The following M1AP variants were observed in gnomAD, a reference collection of about 807,000 sequenced individuals.
M1AP encodes meiosis 1 arrest protein.
A neutral mutation model predicts 51.2 loss-of-function variants in M1AP; 39 were observed. The ratio of observed to expected loss-of-function variants is 0.76; its 90% CI spans 0.59 to 1.00. The LOEUF (loss-of-function observed/expected upper bound fraction) is 1.00. M1AP is among the 50% of genes least tolerant of loss of function. M1AP has a pLI of 0.00. For synonymous variants in M1AP, 251 were observed against 249.2 expected (o/e 1.01, Z -0.07); for missense variants, 545 against 641.2 (o/e 0.85, Z 1.62).
intron 7 of M1AP, among the ~76,000 whole-genome samples, chr2:74,566,380 C>G (rs981506506): frequency 6.6e-6 from 1 of 151,920 alleles, no homozygotes; most frequent in Admixed American, 6.6e-5. Context: ...AGGCTTCATA[C>G]CGAAATTATT....
chr2:74,629,840 A>G (rs1359792150), intron 2 of M1AP, among the ~76,000 whole-genome samples: 1 of 152,176 alleles, frequency 6.6e-6, no homozygotes, highest in Non-Finnish European at 1.5e-5. Context: ...CTTGGGTCCC[A>G]TCCCTAAGTC....
intron 2 of M1AP, among the ~76,000 whole-genome samples, chr2:74,638,328 T>C (rs1014305927): frequency 3.3e-5 from 5 of 152,214 alleles, no homozygotes; most frequent in Non-Finnish European, 7.3e-5. Flanking sequence ...TCTCACCTCA[T>C]TGACTTCCTA....
chr2:74,581,511 A>G (rs981655967), intron 5 of M1AP, among the ~76,000 whole-genome samples, 163 bp downstream of exon 5: 7 of 152,152 alleles, frequency 4.6e-5, no homozygotes, highest in Admixed American at 3.3e-4. Context: ...GCTTCTTAGA[A>G]CTTCTCTTCT....
chr2:74,632,798 C>G (rs1682776880), intron 2 of M1AP, among the ~76,000 whole-genome samples: 1 of 152,150 alleles, frequency 6.6e-6, no homozygotes, highest in Non-Finnish European at 1.5e-5. Flanking sequence ...GAGCTTCTGA[C>G]AAGTCAGTGG....
intron 2 of M1AP, among the ~76,000 whole-genome samples, chr2:74,623,517 A>AAG (rs923383287): frequency 4.0e-5 from 6 of 148,930 alleles, no homozygotes; most frequent in African/African-American, 1.2e-4. Context: ...AAAAAAAAAA[A>AAG]AGAGAGAGAG....
intron 2 of M1AP, among the ~76,000 whole-genome samples, chr2:74,618,433 T>C (rs910968440): frequency 1.3e-5 from 2 of 152,174 alleles, no homozygotes; most frequent in African/African-American, 4.8e-5. Context: ...AGAATGTTTT[T>C]AGCAGGTGAA....
intron 4 of M1AP, among the ~76,000 whole-genome samples, chr2:74,594,549 A>C (rs1251937374): frequency 6.6e-6 from 1 of 152,146 alleles, no homozygotes; most frequent in Non-Finnish European, 1.5e-5. Context: ...TTTAAAAAAA[A>C]TGGCAGAAAA....
intron 1 of M1AP, chr2:74,647,286 C>G (rs1486071710): frequency 1.2e-5 from 12 of 985,256 alleles, no homozygotes; most frequent in Non-Finnish European, 1.4e-5. Context: ...TCTCACAGAT[C>G]GGCTTCTCGC....
At chr2:74,561,272 A>G (rs1347105071) in intron 8 of M1AP, among the ~76,000 whole-genome samples, 2 of 141,500 alleles carry the variant, frequency 1.4e-5, no homozygotes, top group African/African-American at 5.3e-5. Context: ...AAGAAGAAAA[A>G]GAAGGAGGTA....
intron 7 of M1AP, among the ~76,000 whole-genome samples, chr2:74,570,467 A>G (rs1429753267): frequency 6.6e-6 from 1 of 152,222 alleles, no homozygotes; most frequent in African/African-American, 2.4e-5. Flanking sequence ...GTCAAATTAT[A>G]TCTGAGACTT....
At chr2:74,630,329 T>A (rs997624656) in intron 2 of M1AP, among the ~76,000 whole-genome samples, 13 of 152,190 alleles carry the variant, frequency 8.5e-5, no homozygotes, top group Admixed American at 1.3e-4. Flanking sequence ...CTTAAAAAAA[T>A]TTTTATTTTA....
chr2:74,640,154 A>G lies in M1AP; in HGVS notation c.122T>C (p.Leu41Pro). Residue 41 changes from leucine (L) to proline (P), a missense_variant, in exon 2 of 11, where the codon CTC becomes CCC. Transcript: ENST00000421985. ...LPSWADICTNLCEALQNFFSL... is the reference protein window; with the variant it reads ...LPSWADICTNPCEALQNFFSL... ...GAAGAAGTTCTGCAGAGCCTCACAG[A>G]GGTTGGTGCAGATGTCAGCCCAGGA... 3 of 1,614,094 alleles carry G rather than the reference A, an allele frequency of 1.9e-6. No homozygotes were observed. The highest frequency in any genetic ancestry group is 2.5e-6 in the Non-Finnish European group (3 of 1,179,994).
intron 8 of M1AP, chr2:74,561,837 G>T (rs1558644473): frequency 1.0e-6 from 1 of 968,872 alleles, no homozygotes; most frequent in African/African-American, 1.8e-5. Context: ...CTGACATCAG[G>T]TTTCCACTCT....
intron 5 of M1AP, among the ~76,000 whole-genome samples, chr2:74,579,045 A>G (rs1231386119): frequency 1.3e-5 from 2 of 152,220 alleles, no homozygotes; most frequent in African/African-American, 4.8e-5. Flanking sequence ...ATTCCAGTGA[A>G]GACCTCCCCA....
intron 3 of M1AP, among the ~76,000 whole-genome samples, chr2:74,610,529 A>T (rs992128342): frequency 2.6e-5 from 4 of 152,162 alleles, no homozygotes; most frequent in African/African-American, 4.8e-5. Flanking sequence ...GCTCACTGCA[A>T]TCTTGAATTT....
chr2:74,593,300 C>T (rs1680150887), intron 4 of M1AP, among the ~76,000 whole-genome samples: 1 of 152,098 alleles, frequency 6.6e-6, no homozygotes, highest in Non-Finnish European at 1.5e-5. Flanking sequence ...TAAGGGAATT[C>T]CAGTCTGGTT....
At chr2:74,581,621 C>T in intron 5 of M1AP, 53 bp downstream of exon 5, 1 of 1,562,612 alleles carries the variant, frequency 6.4e-7, no homozygotes, top group Non-Finnish European at 8.8e-7. Context: ...ATCTAGAGTC[C>T]TGATCCCAGA....
rs559654358 is a variant in M1AP at position 74,612,037 on chromosome 2, G to A, written c.426+2927C>T. 3.2e-4 allele frequency among the ~76,000 whole-genome samples: 48 copies of A among 150,346 alleles called. No homozygotes were observed. The East Asian group carries it at 8.1e-3, about 25-fold the overall frequency. On this transcript the variant is annotated intron_variant, in intron 3 of 10. Transcript: ENST00000421985. ...GCCTCCCAAGTAGCTGGGACTACAG[G>A]CACCCACCACCACGCCTGGCTAATT...
chr2:74,567,218 ATAAT>A (rs1011553444), intron 7 of M1AP, among the ~76,000 whole-genome samples: 2 of 152,260 alleles, frequency 1.3e-5, no homozygotes, highest in Non-Finnish European at 2.9e-5. Flanking sequence ...GATAAAATAA[ATAAT>A]TAAGGGGACT....
Sources: allele counts gnomAD v4.1 joint callset (sites outside exome capture counted in the v4.1 genomes callset), GRCh38; gene constraint gnomAD v4.1.1; transcripts MANE v1.5; gene names NCBI Gene and HGNC (gene_info 2026-07-23, HGNC 2026-07-21).